The following LYST variants were observed in gnomAD, a reference collection of about 807,000 sequenced individuals.
LYST encodes lysosomal-trafficking regulator.
LYST carries 192 observed loss-of-function variants against 413.6 expected under a neutral mutation model. The ratio of observed to expected loss-of-function variants is 0.46; its 90% confidence interval spans 0.41 to 0.52. LYST has a LOEUF of 0.52. Ranked by LOEUF, LYST falls within the 20% of genes least tolerant of loss-of-function variation. The pLI is 0.00. For synonymous variants in LYST, 1,525 were observed against 1,567.3 expected, an observed-to-expected ratio of 0.97 and a Z score of 0.64; for missense variants, 3,815 against 4,499.9, an observed-to-expected ratio of 0.85 and a Z score of 4.35.
At position 235,759,386 on chromosome 1, in the gene LYST, A is replaced by G. The variant is rs1382095259; in HGVS notation, c.6467T>C (p.Leu2156Pro). The G allele has an allele frequency of 1.9e-6, 3 of 1,614,170 alleles. No individual in the cohort carries two copies. Among genetic ancestry groups the G allele is most frequent in the Non-Finnish European group, 2.5e-6 (3 of 1,180,014 alleles). The change falls in exon 23 of 53, where the codon CTG becomes CCG. Residue 2156 changes from leucine to proline, a missense_variant. Physicochemically the swap from Leu to Pro is moderately conservative, Grantham distance 98. Around this residue, in one of 4 missense-constraint regions of LYST, gnomAD observed 771 missense variants for 837.1 expected, o/e 0.92. Transcript: ENST00000389793. ...KQNSLGSSDT[L>P]KKGKEDAFIS... is the part of the protein sequence containing the mutation. The stretch of plus-strand genomic sequence containing the variant: ...GAATGCGTCCTCTTTGCCTTTTTTC[A>G]GTGTGTCGGAACTCCCCAAAGAATT...
Position 235,810,516 on chromosome 1 carries a change from GA to G in LYST, c.301del (p.Ser101GlnfsTer4). 1.2e-6 allele frequency: 2 copies of G among 1,611,930 alleles called. No individual in the cohort carries two copies. The highest frequency in any genetic ancestry group is 1.7e-6 in the Non-Finnish European group (2 of 1,179,796). On this transcript the variant is annotated frameshift_variant, in exon 5 of 53. Coordinates refer to ENST00000389793, the MANE Select transcript of LYST (RefSeq NM_000081.4). LOFTEE classifies it high-confidence loss of function. ...TTCTTTGGTCAGGATTATATCTGCTGAGAGCGGTAGGTTAAAATCTAATGGA... is the reference window on the plus strand; with the variant it reads ...TTCTTTGGTCAGGATTATATCTGCTGGAGCGGTAGGTTAAAATCTAATGGA... ...EKATDFNLPL[S>X]ADIILTKEKN...
At chr1:235,843,372 A>T (rs1347808032) in intron 1 of LYST, among the ~76,000 whole-genome samples, 3 of 152,154 alleles carry the variant, frequency 2.0e-5, no homozygotes, top group Non-Finnish European at 4.4e-5. Flanking sequence ...GACAGTAGTG[A>T]AATAGGACCC....
intron 14 of LYST, among the ~76,000 whole-genome samples, chr1:235,785,784 C>T (rs1035515383): frequency 3.3e-5 from 5 of 152,196 alleles, no homozygotes; most frequent in Non-Finnish European, 7.4e-5. Context: ...TCTCTATCTT[C>T]TTTCATGCTA....
intron 38 of LYST, among the ~76,000 whole-genome samples, chr1:235,726,802 T>C (rs1663915339): frequency 6.6e-6 from 1 of 151,278 alleles, no homozygotes; most frequent in South Asian, 2.1e-4. Flanking sequence ...ACAGATGGAC[T>C]CAGACTCTTC....
rs77848653 is a variant in LYST, at chr1:235,809,434, G to A, written c.1384C>T (p.Pro462Ser). 4.5e-4 allele frequency: 721 copies of A among 1,613,820 alleles called. 3 individuals are homozygous for A. In the African/African-American group the frequency reaches 8.5e-3, roughly 19 times the overall value. ...TTCAAATGCTCTGAGGCCTCGGGAG[G>A]AACTCCATCTCTTAAAACCAGCCAT... ...MEWLVLRDGV[P>S]PEASEHLKAL... Residue 462 changes from proline (P) to serine (S), a missense_variant, in exon 5 of 53, where the codon CCT (proline) becomes TCT (serine). Coordinates refer to ENST00000389793, the MANE Select transcript of LYST (RefSeq NM_000081.4). This position sits in a 1 kb window ranked among gnomAD's most constrained non-coding sequence, Gnocchi z 4.0.
At chr1:235,668,847 C>T (rs568747784) in intron 50 of LYST, among the ~76,000 whole-genome samples, 6 of 152,272 alleles carry the variant, frequency 3.9e-5, no homozygotes, top group Admixed American at 3.3e-4. Context: ...ACTTGTACTA[C>T]CAAAGTCAAC....
chr1:235,863,120 C>T (rs1009770908), intron 1 of LYST, among the ~76,000 whole-genome samples: 11 of 152,052 alleles, frequency 7.2e-5, no homozygotes, highest in Admixed American at 5.2e-4. Flanking sequence ...TGGCCCAGCA[C>T]GGTGGCTCAC....
chr1:235,854,799 A>G lies in LYST; in HGVS notation c.-98+12044T>C, dbSNP rs1678972453. Among the ~76,000 whole-genome samples the G allele has an allele frequency of 6.6e-6, 1 of 151,474 alleles. No homozygotes were observed. The highest frequency in any genetic ancestry group is 2.4e-5 in the African/African-American group (1 of 41,188). ...ACACCTAAGCATCCTTAGACCTTCA[A>G]CTCCTCTCTTACTTGCAATACTAAC... On this transcript the variant is annotated intron_variant, in intron 1 of 52. Transcript: ENST00000389793. The surrounding 1 kb of genome is among the most constrained non-coding windows in gnomAD (Gnocchi z 4.1).
chr1:235,678,929 A>G (rs1659596300), intron 48 of LYST, among the ~76,000 whole-genome samples: 3 of 152,168 alleles, frequency 2.0e-5, no homozygotes, highest in Admixed American at 6.5e-5. Flanking sequence ...CCTTTTCTCA[A>G]AAACACCATT....
At chr1:235,738,368 G>A in intron 31 of LYST, 1 of 1,612,772 alleles carries the variant, frequency 6.2e-7, no homozygotes, top group Non-Finnish European at 8.5e-7. Flanking sequence ...CATTCCTAAT[G>A]TTGTAAAATA....
chr1:235,762,515 T>C (rs1465185844), intron 22 of LYST, among the ~76,000 whole-genome samples: 1 of 152,132 alleles, frequency 6.6e-6, no homozygotes. Context: ...CAAATGACTA[T>C]GATAAGAGAA....
At chr1:235,744,291 G>A (rs1230303611) in intron 29 of LYST, 134 bp from the exon 30 acceptor site, 7 of 624,098 alleles carry the variant, frequency 1.1e-5, no homozygotes, top group East Asian at 2.8e-5. Flanking sequence ...TGTATCAGGT[G>A]TATTAGATGT....
intron 16 of LYST, among the ~76,000 whole-genome samples, chr1:235,778,098 A>AATATATATATATATATATATATAT (rs139907712): frequency 4.4e-4 from 56 of 128,002 alleles, no homozygotes; most frequent in African/African-American, 2.1e-3. Context: ...AACCCAGTTA[A>AATATATATATATATATATATATAT]ATATATATAT....
chr1:235,699,948 T>C (rs1033478756), intron 45 of LYST, among the ~76,000 whole-genome samples: 2 of 152,178 alleles, frequency 1.3e-5, no homozygotes, highest in Non-Finnish European at 2.9e-5. Context: ...TCTACAACCA[T>C]CTGATCTTCA....
intron 1 of LYST, chr1:235,852,865 A>G (rs1022112512): frequency 1.2e-5 from 2 of 167,886 alleles, no homozygotes; most frequent in Non-Finnish European, 2.9e-5. Context: ...AGGACTTAAC[A>G]GCTAGGTCTG....
At chr1:235,784,416 C>G (rs1456134708) in intron 14 of LYST, among the ~76,000 whole-genome samples, 1 of 152,120 alleles carries the variant, frequency 6.6e-6, no homozygotes, top group Non-Finnish European at 1.5e-5. Flanking sequence ...CAATAAAAAT[C>G]TAATCTCTCA....
intron 44 of LYST, among the ~76,000 whole-genome samples, chr1:235,707,078 T>C (rs1662048198): frequency 6.6e-6 from 1 of 152,184 alleles, no homozygotes; most frequent in Non-Finnish European, 1.5e-5. Flanking sequence ...GAAGTATCTT[T>C]CTTTTCAGAA....
chr1:235,782,819 C>T (rs905310439), intron 14 of LYST, among the ~76,000 whole-genome samples: 1 of 152,168 alleles, frequency 6.6e-6, no homozygotes, highest in Non-Finnish European at 1.5e-5. Flanking sequence ...CCTTTGAAAA[C>T]TAATCAGTAA....
In LYST at chr1:235,674,422, T is replaced by C. The variant is rs2103030016; in HGVS notation, c.11038+2669A>G. ...AATCGTAAAAAAAAAAAAAAAAGTG[T>C]CCCCCTCGGGTCTTTTGATCGTCAC... On this transcript the variant is annotated intron_variant, in intron 50 of 52. Coordinates refer to ENST00000389793, the MANE Select transcript of LYST (RefSeq NM_000081.4). This position sits in a 1 kb window ranked among gnomAD's most constrained non-coding sequence, Gnocchi z 4.1. Among the ~76,000 whole-genome samples, 1 of 149,612 alleles carries C rather than the reference T, an allele frequency of 6.7e-6. No homozygotes were observed. Among genetic ancestry groups the C allele is most frequent in the East Asian group, 1.9e-4 (1 of 5,136 alleles).
Sources: gnomAD v4.1 joint callset for allele counts (sites outside exome capture counted in the v4.1 genomes callset) on GRCh38, gnomAD v4.1.1 for gene constraint, gnomAD v4.1.1 regional missense constraint, Gnocchi (gnomAD v3.1) non-coding constraint, MANE v1.5 for transcripts, NCBI Gene and HGNC (gene_info 2026-07-23, HGNC 2026-07-21) for gene names.